Variants in COL20A1 observed in about 807,000 individuals in gnomAD.
The protein encoded by COL20A1 is collagen alpha-1(XX) chain.
In COL20A1, 164 loss-of-function variants were observed where a neutral mutation model predicts 152.9. That is an observed-to-expected ratio of 1.07 (90% CI 0.94 to 1.22). The LOEUF (loss-of-function observed/expected upper bound fraction) is 1.22. Ranked by LOEUF, COL20A1 falls within the 50% of genes most tolerant of loss-of-function variation. COL20A1 has a pLI of 0.00. For missense variants in COL20A1, 1,873 were observed against 1,744.8 expected, an observed-to-expected ratio of 1.07 and a Z score of -1.31; for synonymous variants, 864 against 756.0, an observed-to-expected ratio of 1.14 and a Z score of -2.34.
chr20:63,295,514 C>T (rs1206279387), intron 2 of COL20A1, among the ~76,000 whole-genome samples: 1 of 152,178 alleles, frequency 6.6e-6, no homozygotes, highest in Non-Finnish European at 1.5e-5. Context: ...CTTCCCTTCC[C>T]TCCTGCCTGC....
In COL20A1 at chr20:63,328,513, G is replaced by C. The variant is rs1220363641; in HGVS notation, c.3781+15G>C. On this transcript the variant is annotated intron_variant, in intron 34 of 35. Transcript: ENST00000358894. ...TGAGGGCAGAGGTACTGGGCTCCTG[G>C]CTCTTGGGGAGGGAGTTGTGGCCGG... The C allele has an allele frequency of 1.3e-6, 2 of 1,597,652 alleles. No homozygotes were observed. The highest frequency in any genetic ancestry group is 1.7e-6 in the Non-Finnish European group (2 of 1,171,224).
At position 63,316,590 on chromosome 20, in the gene COL20A1, G is replaced by C. The variant is rs1463954657; in HGVS notation, c.2562G>C (p.Lys854Asn). 2 of 1,589,052 alleles carry C rather than the reference G, an allele frequency of 1.3e-6. No homozygotes were observed. The highest frequency in any genetic ancestry group is 1.7e-6 in the Non-Finnish European group (2 of 1,167,894). The part of the protein sequence containing the change: ...DLMVAFSLVE[K>N]AYASIRGVAM... The stretch of plus-strand genomic sequence containing the variant: ...TGGTGGCCTTCAGCCTGGTGGAAAA[G>C]GCTTATGCGTCCATCCGGGGCGTGG... Residue 854 changes from lysine (K) to asparagine (N), a missense_variant, in exon 21 of 36, where the codon AAG becomes AAC. Lys to Asn is a moderately conservative substitution (Grantham distance 94, BLOSUM62 0). Coordinates refer to ENST00000358894, the MANE Select transcript of COL20A1 (RefSeq NM_020882.4).
At chr20:63,316,511 C>A (rs763971143) in intron 20 of COL20A1, 42 bp from the exon 21 acceptor site, 4 of 1,550,386 alleles carry the variant, frequency 2.6e-6, no homozygotes, top group Non-Finnish European at 3.5e-6. Context: ...CCTGCCATCT[C>A]TGAGGGTCCC....
chr20:63,325,644 G>A (rs745632372), intron 28 of COL20A1, 24 bp from the exon 29 acceptor site: 1 of 1,598,522 alleles, frequency 6.3e-7, no homozygotes, highest in East Asian at 2.3e-5. Flanking sequence ...CCCCTGCCTG[G>A]CCGGCCCCTC....
rs537409758 is a variant in COL20A1 at position 63,295,281 on chromosome 20, CGTCTTCCTCCTAA to C, written c.82+95_82+107del. The C allele has an allele frequency of 2.5e-4, 194 of 780,210 alleles. No homozygotes were observed. In the African/African-American group the frequency reaches 3.0e-3, roughly 12 times the overall value. 48.3% of individuals were successfully genotyped at this position (780,210 alleles called of 1,614,324 possible). ...GGACGAGCCCTCCGCCCCTGAGCCC[CGTCTTCCTCCTAA>C]GTTGAATGCGTGCTGAATTCACAGC... On this transcript the variant is annotated intron_variant, in intron 2 of 35. Coordinates refer to ENST00000358894, the MANE Select transcript of COL20A1 (RefSeq NM_020882.4).
Position 63,309,836 on chromosome 20 carries a change from T to C in COL20A1, c.1184T>C (p.Leu395Pro). 1 of 1,610,978 alleles carries C rather than the reference T, an allele frequency of 6.2e-7. No homozygotes were observed. The highest frequency in any genetic ancestry group is 8.5e-7 in the Non-Finnish European group (1 of 1,178,950). Reference protein sequence around the residue: ...LSQVTSSSIRLSWTPAPRHPL... With the variant: ...LSQVTSSSIRPSWTPAPRHPL... ...CAGGTGACCTCCTCCAGCATCCGCC[T>C]GTCCTGGACTCCAGCCCCCCGGCAC... The change falls in exon 10 of 36, where the codon CTG becomes CCG. Residue 395 changes from leucine (L) to proline (P), a missense_variant. Coordinates refer to ENST00000358894, the MANE Select transcript of COL20A1 (RefSeq NM_020882.4).
chr20:63,320,438 C>T, intron 25 of COL20A1, 70 bp downstream of exon 25: 1 of 1,431,088 alleles, frequency 7.0e-7, no homozygotes, highest in Non-Finnish European at 9.8e-7. Flanking sequence ...GTCACAGTGC[C>T]TGGGGTCAGT....
At position 63,294,894 on chromosome 20, in the gene COL20A1, C is replaced by T. The variant is rs999066825; in HGVS notation, c.-10-204C>T. ...AGTGGGAGGCAGCCCCAGCTCTAGC[C>T]TTGGGTCCTTGAGTTTTAGGCAGCT... On this transcript the variant is annotated intron_variant, in intron 1 of 35. Transcript: ENST00000358894. The T allele has an allele frequency of 7.4e-6, 4 of 539,156 alleles. No individual in the cohort carries two copies. The African/African-American group carries it at 7.7e-5, about 10-fold the overall frequency. 33.4% of individuals were successfully genotyped at this position (539,156 alleles called of 1,614,324 possible).
In COL20A1 at chr20:63,312,953, G is replaced by A; in HGVS notation, c.2076+19G>A. 1.3e-6 allele frequency: 2 copies of A among 1,536,150 alleles called. No individual in the cohort carries two copies. Among genetic ancestry groups the A allele is most frequent in the Non-Finnish European group, 1.8e-6 (2 of 1,136,086 alleles). On this transcript the variant is annotated intron_variant, in intron 16 of 35. Transcript: ENST00000358894. ...TCACGAGGTGGGCAGGGGTGGGTTT[G>A]TCCTTCCGAGGGGCCCCCCGTGGGC...
chr20:63,312,840 A>T lies in COL20A1; in HGVS notation c.1982A>T (p.Asp661Val). 1 of 1,560,856 alleles carries T rather than the reference A, an allele frequency of 6.4e-7. No homozygotes were observed. The highest frequency in any genetic ancestry group is 8.7e-7 in the Non-Finnish European group (1 of 1,152,642). Residue 661 changes from aspartate to valine, a missense_variant, in exon 16 of 36, where the codon GAT (aspartate) becomes GTT (valine). Physicochemically the swap from Asp to Val is radical, Grantham distance 152 (BLOSUM62 -3). Coordinates refer to ENST00000358894, the MANE Select transcript of COL20A1 (RefSeq NM_020882.4). ...CTGTCCATGACGGAGCTGCCAGGGG[A>T]TGCAGTCCAGCTGGCGTGGGTGGCC... The part of the protein sequence containing the change: ...SQLSMTELPG[D>V]AVQLAWVAAA...
chr20:63,322,609 A>C (rs1291617131), intron 27 of COL20A1, among the ~76,000 whole-genome samples: 1 of 152,158 alleles, frequency 6.6e-6, no homozygotes, highest in Admixed American at 6.5e-5. Flanking sequence ...GGTTCTGCGG[A>C]GAGGGATGTT....
chr20:63,328,099 C>T lies in COL20A1; in HGVS notation c.3585C>T (p.Ala1195=), dbSNP rs762755647. Residue 1195 remains alanine (A), a synonymous_variant, in exon 33 of 36, where the codon GCC becomes GCT. Transcript: ENST00000358894. ...RGEKGEPQSL[A]TLYQLVSQAS... ...TCCAGGGCGAGCCGCAGTCCCTTGC[C>T]ACCCTCTACCAGCTTGTGAGCCAGG... The T allele has an allele frequency of 1.5e-4, 242 of 1,613,258 alleles. No individual in the cohort carries two copies. Among genetic ancestry groups the T allele is most frequent in the Non-Finnish European group, 1.9e-4 (226 of 1,179,852 alleles).
At chr20:63,329,176 G>C (rs1440895456) in intron 34 of COL20A1, 2 of 203,630 alleles carry the variant, frequency 9.8e-6, no homozygotes, top group African/African-American at 4.7e-5. Context: ...GAAACTGGGG[G>C]CAACCTGGGG....
In COL20A1 at chr20:63,308,177, C is replaced by T. The variant is rs2067955098; in HGVS notation, c.775+87C>T. 1.2e-5 allele frequency: 18 copies of T among 1,517,060 alleles called. No individual in the cohort carries two copies. In the East Asian group the frequency reaches 1.4e-4, roughly 12 times the overall value. 94.0% of individuals were successfully genotyped at this position (1,517,060 alleles called of 1,614,324 possible). Reference sequence around the variant, plus strand: ...AGATCCCGAAAGCTTGTGTGTAAATCGAGCTCCAAGTGGTGTGGACCTGAG... The same window carrying T: ...AGATCCCGAAAGCTTGTGTGTAAATTGAGCTCCAAGTGGTGTGGACCTGAG... On this transcript the variant is annotated intron_variant, in intron 7 of 35. Coordinates refer to ENST00000358894, the MANE Select transcript of COL20A1 (RefSeq NM_020882.4).
In COL20A1 at chr20:63,312,569, G is replaced by A. The variant is rs764817348; in HGVS notation, c.1933+20G>A. ...CCACCAGTGAGTGGGGAGAGGCTGG[G>A]GCTGGGGGTCCAGCAGGGTTTCTGT... On this transcript the variant is annotated intron_variant, in intron 15 of 35. Transcript: ENST00000358894. 7 of 1,554,702 alleles carry A rather than the reference G, an allele frequency of 4.5e-6. No individual in the cohort carries two copies. The highest frequency in any genetic ancestry group is 1.9e-4 in the Middle Eastern group (1 of 5,150).
intron 15 of COL20A1, 96 bp downstream of exon 15, chr20:63,312,645 C>G (rs2068025103): frequency 1.4e-6 from 2 of 1,480,380 alleles, no homozygotes; most frequent in East Asian, 2.3e-5. Flanking sequence ...GGAGCCTGCC[C>G]TGGGTCAGTG....
At chr20:63,315,795 C>T (rs1470931756) in intron 20 of COL20A1, among the ~76,000 whole-genome samples, 1 of 152,174 alleles carries the variant, frequency 6.6e-6, no homozygotes, top group Admixed American at 6.5e-5. Flanking sequence ...GTGAGGCCCT[C>T]CCCAGAGAGG....
Position 63,305,783 on chromosome 20 carries a change from GCAC to G in COL20A1, c.338-96_338-94del, listed in dbSNP as rs1311326511. On this transcript the variant is annotated intron_variant, in intron 4 of 35. Coordinates refer to ENST00000358894, the MANE Select transcript of COL20A1 (RefSeq NM_020882.4). The surrounding 1 kb of genome is among the most constrained non-coding windows in gnomAD (Gnocchi z 4.9). The stretch of plus-strand genomic sequence containing the variant: ...TGCCTCCCAGGCTCCTGGGCCCTCA[GCAC>G]CCACAGATGCGCCCTTGAAGGGGTG... 1.5e-6 allele frequency: 2 copies of G among 1,320,580 alleles called. No homozygotes were observed. The highest frequency in any genetic ancestry group is 2.9e-5 in the African/African-American group (2 of 68,544). 81.8% of individuals were successfully genotyped at this position (1,320,580 alleles called of 1,614,324 possible). A position where few individuals can be genotyped will look rare whatever the true frequency, so the allele number is the denominator to read the frequency against.
chr20:63,315,594 G>A (rs1005235990), intron 20 of COL20A1, among the ~76,000 whole-genome samples, 155 bp downstream of exon 20: 1 of 152,372 alleles, frequency 6.6e-6, no homozygotes, highest in East Asian at 1.9e-4. Flanking sequence ...CCCTGTGGCT[G>A]GCTGGGCGGT....
Sources: allele counts gnomAD v4.1 joint callset (sites outside exome capture counted in the v4.1 genomes callset), GRCh38; gene constraint gnomAD v4.1.1; non-coding constraint Gnocchi (gnomAD v3.1); transcripts MANE v1.5; gene names NCBI Gene and HGNC (gene_info 2026-07-23, HGNC 2026-07-21).